The following ZCCHC24 variants were observed in gnomAD, a reference collection of about 807,000 sequenced individuals.
The protein encoded by ZCCHC24 is zinc finger CCHC domain-containing protein 24.
Under a neutral mutation model 26.2 loss-of-function variants are expected in ZCCHC24, and 10 were observed. That is an observed-to-expected ratio of 0.38 (90% CI 0.24 to 0.65). The LOEUF (loss-of-function observed/expected upper bound fraction) is 0.65, where lower values mean the gene tolerates loss of function less well. ZCCHC24 is among the 30% of genes least tolerant of loss of function. The probability of loss-of-function intolerance (pLI) is 0.54; values close to 1 mark genes in which losing one functional copy is unlikely to be tolerated. For missense variants in ZCCHC24, 243 were observed against 329.1 expected (o/e 0.74, Z 2.03); for synonymous variants, 144 against 147.1 (o/e 0.98, Z 0.15).
intron 1 of ZCCHC24, among the ~76,000 whole-genome samples, 164 bp downstream of exon 1, chr10:79,445,031 G>T (rs1857343961): frequency 6.6e-6 from 1 of 152,190 alleles, no homozygotes; most frequent in Non-Finnish European, 1.5e-5. Flanking sequence ...GGGGACTTCG[G>T]GCGGCGAGTT....
At chr10:79,403,395 G>A (rs1288549289) in intron 2 of ZCCHC24, 1 of 985,344 alleles carries the variant, frequency 1.0e-6, no homozygotes, top group Non-Finnish European at 1.2e-6. Context: ...TACTGCTTTA[G>A]GGACCAACCA....
intron 2 of ZCCHC24, among the ~76,000 whole-genome samples, chr10:79,421,370 G>A (rs1856932717): frequency 6.6e-6 from 1 of 152,038 alleles, no homozygotes; most frequent in Non-Finnish European, 1.5e-5. Flanking sequence ...TCTGCCCTAG[G>A]CCCAGTCCTT....
chr10:79,401,008 A>G (rs1427429744), intron 2 of ZCCHC24, among the ~76,000 whole-genome samples: 1 of 152,170 alleles, frequency 6.6e-6, no homozygotes, highest in East Asian at 1.9e-4. Context: ...CTTTTAGACA[A>G]TGAGTCCCTT....
rs1218145536 is a variant in ZCCHC24 at position 79,383,551 on chromosome 10, C to G, written c.*2794G>C. The stretch of plus-strand genomic sequence containing the variant: ...CTTTGTTTGATATTCTCTTGCCCTC[C>G]TGAAAGTTCTGAAATTTTGAAAATG... On this transcript the variant is annotated 3_prime_UTR_variant, in exon 4 of 4. Transcript: ENST00000372336. 1 of 152,162 alleles carries G rather than the reference C, an allele frequency of 6.6e-6. No individual in the cohort carries two copies. Among genetic ancestry groups the G allele is most frequent in the East Asian group, 1.9e-4 (1 of 5,332 alleles). 9.4% of individuals were successfully genotyped at this position (152,162 alleles called of 1,614,324 possible).
At chr10:79,425,819 G>A (rs1309783131) in intron 2 of ZCCHC24, among the ~76,000 whole-genome samples, 1 of 152,206 alleles carries the variant, frequency 6.6e-6, no homozygotes, top group Non-Finnish European at 1.5e-5. Flanking sequence ...CTTGGGGCCG[G>A]ATGGCTGGTG....
chr10:79,429,322 C>T (rs1305549627), intron 2 of ZCCHC24, among the ~76,000 whole-genome samples: 1 of 152,180 alleles, frequency 6.6e-6, no homozygotes, highest in Non-Finnish European at 1.5e-5. Context: ...GTGGCTCATG[C>T]CTGTAATCCC....
At chr10:79,395,164 C>G (rs911279823) in intron 2 of ZCCHC24, among the ~76,000 whole-genome samples, 4 of 152,178 alleles carry the variant, frequency 2.6e-5, no homozygotes, top group Admixed American at 6.5e-5. Context: ...CTGCCTCAGC[C>G]ACCTGAGTAG....
At chr10:79,418,122 A>G (rs1467138507) in intron 2 of ZCCHC24, among the ~76,000 whole-genome samples, 2 of 152,208 alleles carry the variant, frequency 1.3e-5, no homozygotes, top group Admixed American at 6.5e-5. Context: ...AGCAGCCACC[A>G]AGGCCTAAAC....
chr10:79,399,316 C>G (rs556003590), intron 2 of ZCCHC24, among the ~76,000 whole-genome samples: 3 of 152,234 alleles, frequency 2.0e-5, no homozygotes, highest in African/African-American at 4.8e-5. Flanking sequence ...CACACACCCC[C>G]CTGCCTCCTC....
intron 1 of ZCCHC24, among the ~76,000 whole-genome samples, chr10:79,440,065 C>T (rs1430032365): frequency 6.6e-6 from 1 of 151,952 alleles, no homozygotes; most frequent in East Asian, 1.9e-4. Context: ...CCAGTATGGC[C>T]AGAGGAGGGC....
chr10:79,437,275 A>G (rs1857228110), intron 1 of ZCCHC24, among the ~76,000 whole-genome samples: 1 of 151,752 alleles, frequency 6.6e-6, no homozygotes, highest in South Asian at 2.1e-4. Flanking sequence ...CAGGTCTCAA[A>G]CTCCTGGGCT....
At chr10:79,411,301 G>C (rs1856788070) in intron 2 of ZCCHC24, among the ~76,000 whole-genome samples, 1 of 152,152 alleles carries the variant, frequency 6.6e-6, no homozygotes, top group African/African-American at 2.4e-5. Context: ...ATGTGGCCAG[G>C]CATCCTGGCA....
In ZCCHC24 at chr10:79,382,911, C is replaced by T. The variant is rs1271552983; in HGVS notation, c.*3434G>A. 2 of 152,582 alleles carry T rather than the reference C, an allele frequency of 1.3e-5. No individual in the cohort carries two copies. Among genetic ancestry groups the T allele is most frequent in the Admixed American group, 6.5e-5 (1 of 15,286 alleles). 9.5% of individuals were successfully genotyped at this position (152,582 alleles called of 1,614,324 possible). A position where few individuals can be genotyped will look rare whatever the true frequency, so the allele number is the denominator to read the frequency against. On this transcript the variant is annotated 3_prime_UTR_variant, in exon 4 of 4. Coordinates refer to ENST00000372336, the MANE Select transcript of ZCCHC24 (RefSeq NM_153367.4). ...GGGGCCCTGCTGATTGAGAGCCCTC[C>T]CACCAAGCCAAGACGCTGGTGGACC...
chr10:79,400,514 G>T (rs1478050230), intron 2 of ZCCHC24, among the ~76,000 whole-genome samples: 1 of 152,232 alleles, frequency 6.6e-6, no homozygotes, highest in Non-Finnish European at 1.5e-5. Flanking sequence ...AGCCACAAGG[G>T]CTGAGAGACA....
chr10:79,432,436 A>G (rs2132218230), intron 2 of ZCCHC24, 122 bp downstream of exon 2: 2 of 1,024,880 alleles, frequency 2.0e-6, no homozygotes, highest in South Asian at 1.8e-5. Context: ...CCAGAGGACC[A>G]CGGGGCCACT....
chr10:79,432,837 G>A lies in ZCCHC24; in HGVS notation c.247-79C>T, dbSNP rs1007257708. On this transcript the variant is annotated intron_variant, in intron 1 of 3. Transcript: ENST00000372336. ...TAACCCCCCACCCAAACACACGCAT[G>A]GATTCACACTGAGTCTTCAGCTACC... 27 of 1,456,664 alleles carry A rather than the reference G, an allele frequency of 1.9e-5. 1 individual carries two copies. The East Asian group carries it at 6.2e-4, about 34-fold the overall frequency. 90.2% of individuals were successfully genotyped at this position (1,456,664 alleles called of 1,614,324 possible). A position where few individuals can be genotyped will look rare whatever the true frequency, so the allele number is the denominator to read the frequency against.
At chr10:79,395,886 C>T (rs553943639) in intron 2 of ZCCHC24, among the ~76,000 whole-genome samples, 2 of 152,274 alleles carry the variant, frequency 1.3e-5, no homozygotes, top group East Asian at 3.9e-4. Context: ...GTGGACAAAT[C>T]AATTGGTTTT....
intron 2 of ZCCHC24, among the ~76,000 whole-genome samples, chr10:79,428,355 G>GGA (rs1554842154): frequency 7.0e-6 from 1 of 143,422 alleles, no homozygotes; most frequent in Non-Finnish European, 1.5e-5. Flanking sequence ...GGTTGCTGGG[G>GGA]GGCAGGGAGG....
Position 79,445,192 on chromosome 10 carries a change from C to T in ZCCHC24, c.246+3G>A, listed in dbSNP as rs1857348755. ...GTGGGCGGGGGCGCGCGGGGGCACC[C>T]ACCTCTCCGCGCTGCAGCTGGAAGA... On this transcript the variant is annotated splice_donor_region_variant and intron_variant, in intron 1 of 3. Coordinates refer to ENST00000372336, the MANE Select transcript of ZCCHC24 (RefSeq NM_153367.4). 2 of 1,279,538 alleles carry T rather than the reference C, an allele frequency of 1.6e-6. No individual in the cohort carries two copies. The highest frequency in any genetic ancestry group is 6.3e-5 in the East Asian group (2 of 31,722). 79.3% of individuals were successfully genotyped at this position (1,279,538 alleles called of 1,614,324 possible).
Sources: allele counts gnomAD v4.1 joint callset (sites outside exome capture counted in the v4.1 genomes callset), GRCh38; gene constraint gnomAD v4.1.1; transcripts MANE v1.5; gene names NCBI Gene and HGNC (gene_info 2026-07-23, HGNC 2026-07-21).